QTRT2: variants seen among roughly 807,000 people sequenced by gnomAD.
QTRT2 encodes the protein queuine tRNA-ribosyltransferase domain containing 1.
In QTRT2, 32 loss-of-function variants were observed where a neutral mutation model predicts 44.8. That is an observed-to-expected ratio of 0.71 (90% CI 0.54 to 0.96). The LOEUF is 0.96. Ranked by LOEUF, QTRT2 falls within the 40% of genes least tolerant of loss-of-function variation. The pLI, the probability that QTRT2 is intolerant of heterozygous loss-of-function variation, is 0.00. For synonymous variants in QTRT2, 182 were observed against 187.4 expected (o/e 0.97, Z 0.24); for missense variants, 461 against 503.1 (o/e 0.92, Z 0.80).
chr3:114,059,525 G>T (rs867015281), intron 2 of QTRT2, among the ~76,000 whole-genome samples: 1 of 152,130 alleles, frequency 6.6e-6, no homozygotes, highest in South Asian at 2.1e-4. Flanking sequence ...TAGAAAAGAA[G>T]TGTAATTATA....
At chr3:114,082,134 T>C (rs2077173364) in intron 8 of QTRT2, among the ~76,000 whole-genome samples, 1 of 151,710 alleles carries the variant, frequency 6.6e-6, no homozygotes, top group African/African-American at 2.4e-5. Context: ...TTCAATCTAT[T>C]TGGAATATAG....
chr3:114,058,531 G>C (rs565100114), intron 2 of QTRT2, among the ~76,000 whole-genome samples: 1 of 152,058 alleles, frequency 6.6e-6, no homozygotes, highest in African/African-American at 2.4e-5. Flanking sequence ...GAATTGTAGC[G>C]TTCTTCATTT....
At chr3:114,061,717 A>G (rs528485231) in intron 2 of QTRT2, among the ~76,000 whole-genome samples, 48 of 152,194 alleles carry the variant, frequency 3.2e-4, no homozygotes, top group Non-Finnish European at 2.4e-4. Context: ...AGCTAGGACT[A>G]CAGGTGCATG....
rs559151405 is a variant in QTRT2, at chr3:114,058,399, T to TA, written c.-22+1294dup. Among the ~76,000 whole-genome samples the TA allele has an allele frequency of 3.3e-5, 5 of 152,356 alleles. No individual in the cohort carries two copies. The South Asian group carries it at 1.0e-3, about 32-fold the overall frequency. ...ATTCTGTCATTAATCGTTTAACAGTTACTTCTGAATTTTTAACACACATAC... is the reference window on the plus strand; with the variant it reads ...ATTCTGTCATTAATCGTTTAACAGTTAACTTCTGAATTTTTAACACACATAC... On this transcript the variant is annotated intron_variant, in intron 2 of 9. Transcript: ENST00000281273.
At chr3:114,059,478 A>T (rs561064169) in intron 2 of QTRT2, among the ~76,000 whole-genome samples, 35 of 152,360 alleles carry the variant, frequency 2.3e-4, no homozygotes, top group African/African-American at 7.0e-4. Context: ...GTACTATTTT[A>T]TTACTTCATA....
intron 9 of QTRT2, 185 bp downstream of exon 9, chr3:114,082,979 C>T (rs13086657): frequency 0.27 from 155,885 of 574,502 alleles, 22,248 homozygotes; most frequent in Middle Eastern, 0.37. Context: ...TTGTAGACTT[C>T]GTCTTGTCAG....
chr3:114,069,209 G>A (rs971963085), intron 5 of QTRT2, among the ~76,000 whole-genome samples: 4 of 152,126 alleles, frequency 2.6e-5, no homozygotes, highest in Admixed American at 1.3e-4. Context: ...AGAGGGATCT[G>A]TAGGGTAACC....
At chr3:114,062,429 G>A (rs1281452915) in intron 2 of QTRT2, among the ~76,000 whole-genome samples, 2 of 151,532 alleles carry the variant, frequency 1.3e-5, no homozygotes, top group African/African-American at 2.4e-5. Flanking sequence ...GGAGGCCCAG[G>A]TTCTAGACAA....
rs923430540 is a variant in QTRT2 at position 114,066,284 on chromosome 3, G to C, written c.256+1G>C. 6.3e-7 allele frequency: 1 copy of C among 1,589,830 alleles called. No individual in the cohort carries two copies. The highest frequency in any genetic ancestry group is 1.3e-5 in the African/African-American group (1 of 74,212). ...AAAGAAGGAGTTGGAAAGTTTATAG[G>C]TAAAAATTAAGTTACTTATATGTGC... On this transcript the variant is annotated splice_donor_variant, in intron 4 of 9. Transcript: ENST00000281273. LOFTEE classifies it high-confidence loss of function.
chr3:114,069,992 T>C (rs2077003268), intron 5 of QTRT2, among the ~76,000 whole-genome samples: 1 of 152,226 alleles, frequency 6.6e-6, no homozygotes, highest in East Asian at 1.9e-4. Flanking sequence ...ATAAGTGCTA[T>C]CATTTCTATA....
chr3:114,088,297 TGTAGTAAATCTATTAAA>T lies in QTRT2; in HGVS notation c.*2395_*2411del, dbSNP rs1426487972. 3 of 152,190 alleles carry T rather than the reference TGTAGTAAATCTATTAAA, an allele frequency of 2.0e-5. No homozygotes were observed. The highest frequency in any genetic ancestry group is 2.0e-4 in the Admixed American group (3 of 15,274). 9.4% of individuals were successfully genotyped at this position (152,190 alleles called of 1,614,324 possible). ...TGAGAAAAATATTCCTTTCCTTTAT[TGTAGTAAATCTATTAAA>T]GGCAATAGCCAATAAAACATTTTTA... is the stretch of plus-strand genomic sequence containing the variant. On this transcript the variant is annotated 3_prime_UTR_variant, in exon 10 of 10. Coordinates refer to ENST00000281273, the MANE Select transcript of QTRT2 (RefSeq NM_024638.4).
chr3:114,080,140 A>G, intron 8 of QTRT2, 83 bp downstream of exon 8: 4 of 1,102,204 alleles, frequency 3.6e-6, no homozygotes, highest in Non-Finnish European at 5.2e-6. Flanking sequence ...AGACAGAAAT[A>G]TGTATATATA....
In QTRT2 at chr3:114,066,368, T is replaced by C. The variant is rs982833633; in HGVS notation, c.256+85T>C. On this transcript the variant is annotated intron_variant, in intron 4 of 9. Coordinates refer to ENST00000281273, the MANE Select transcript of QTRT2 (RefSeq NM_024638.4). ...TGTTACCTCTTTGATCTTTCATTCA[T>C]ATGTTTGTTTATTCATAAATTTAAT... The C allele has an allele frequency of 2.0e-5, 15 of 760,144 alleles. No homozygotes were observed. In the Admixed American group the frequency reaches 3.3e-4, roughly 17 times the overall value. 47.1% of individuals were successfully genotyped at this position (760,144 alleles called of 1,614,324 possible).
intron 1 of QTRT2, 67 bp from the exon 2 acceptor site, chr3:114,056,932 G>A (rs1559942670): frequency 9.2e-6 from 14 of 1,515,736 alleles, no homozygotes; most frequent in Non-Finnish European, 1.2e-5. Context: ...GCGTCCAGAC[G>A]CTTCCTGGTT....
intron 5 of QTRT2, among the ~76,000 whole-genome samples, chr3:114,069,195 G>T (rs950361949): frequency 3.9e-5 from 6 of 152,106 alleles, no homozygotes; most frequent in Non-Finnish European, 8.8e-5. Context: ...TTGTTGATCT[G>T]AGAAGAGGGA....
intron 1 of QTRT2, 59 bp downstream of exon 1, chr3:114,056,923 C>A: frequency 6.6e-7 from 1 of 1,522,328 alleles, no homozygotes; most frequent in South Asian, 1.2e-5. Flanking sequence ...AGTCACGTCG[C>A]GTCCAGACGC....
rs1321426415 is a variant in QTRT2 at position 114,088,140 on chromosome 3, A to G, written c.*2236A>G. ...TGTTCATATTTTTGTTCTATGCTAA[A>G]TGCATCGTTAGGGGAGTAGTGGTAA... On this transcript the variant is annotated 3_prime_UTR_variant, in exon 10 of 10. Coordinates refer to ENST00000281273, the MANE Select transcript of QTRT2 (RefSeq NM_024638.4). 1 of 152,170 alleles carries G rather than the reference A, an allele frequency of 6.6e-6. No homozygotes were observed. The highest frequency in any genetic ancestry group is 1.5e-5 in the Non-Finnish European group (1 of 68,020). 9.4% of individuals were successfully genotyped at this position (152,170 alleles called of 1,614,324 possible).
chr3:114,071,391 C>T (rs1376194392), intron 6 of QTRT2, among the ~76,000 whole-genome samples: 2 of 152,078 alleles, frequency 1.3e-5, no homozygotes, highest in African/African-American at 2.4e-5. Context: ...CTCTGCCTCC[C>T]AGGTTCAAGG....
intron 2 of QTRT2, among the ~76,000 whole-genome samples, chr3:114,060,912 G>A (rs1194871498): frequency 2.0e-5 from 3 of 152,182 alleles, no homozygotes; most frequent in Admixed American, 6.5e-5. Context: ...ACTAAGGGGC[G>A]AGTGGCGTCT....
Sources: gnomAD v4.1 joint callset for allele counts (sites outside exome capture counted in the v4.1 genomes callset) on GRCh38, gnomAD v4.1.1 for gene constraint, MANE v1.5 for transcripts, NCBI Gene and HGNC (gene_info 2026-07-23, HGNC 2026-07-21) for gene names.